Variants in ENAH observed in about 807,000 individuals in gnomAD.
ENAH encodes the protein protein enabled homolog.
A neutral mutation model predicts 78.7 loss-of-function variants in ENAH; 23 were observed. The ratio of observed to expected loss-of-function variants is 0.29; its 90% confidence interval spans 0.21 to 0.41. The LOEUF (loss-of-function observed/expected upper bound fraction) is 0.41. Ranked by LOEUF, ENAH falls within the 10% of genes least tolerant of loss-of-function variation. ENAH has a pLI of 1.00. For missense variants in ENAH, 544 were observed against 691.0 expected (o/e 0.79, Z 2.39); for synonymous variants, 226 against 241.0 (o/e 0.94, Z 0.58).
chr1:225,632,271 G>A (rs926478798), intron 1 of ENAH, among the ~76,000 whole-genome samples: 2 of 152,110 alleles, frequency 1.3e-5, no homozygotes, highest in African/African-American at 4.8e-5. Context: ...GGCCAAAGCG[G>A]GCAGATCACC....
intron 1 of ENAH, among the ~76,000 whole-genome samples, chr1:225,624,194 T>G (rs1294055832): frequency 2.0e-5 from 3 of 152,018 alleles, no homozygotes. Context: ...TTCCAGCACT[T>G]TGGGAGGCCA....
chr1:225,535,848 G>C (rs974612563), intron 3 of ENAH, among the ~76,000 whole-genome samples: 9 of 152,060 alleles, frequency 5.9e-5, no homozygotes, highest in African/African-American at 2.2e-4. Context: ...TACGGTCAAA[G>C]AGTGCAACCA....
intron 10 of ENAH, 60 bp from the exon 11 acceptor site, chr1:225,508,077 A>C: frequency 9.1e-7 from 1 of 1,099,282 alleles, no homozygotes; most frequent in Non-Finnish European, 1.3e-6. Context: ...TTATTATAAA[A>C]CAAATAACAA....
intron 1 of ENAH, among the ~76,000 whole-genome samples, chr1:225,616,995 A>G (rs1201170603): frequency 6.6e-6 from 1 of 152,022 alleles, no homozygotes; most frequent in African/African-American, 2.4e-5. Flanking sequence ...GCTACTCGGG[A>G]GGTTGAGGCA....
At chr1:225,524,478 T>C in intron 4 of ENAH, 2 of 364,142 alleles carry the variant, frequency 5.5e-6, no homozygotes, top group Non-Finnish European at 7.6e-6. Flanking sequence ...CAGATACAGT[T>C]TGATTGTATA....
At chr1:225,583,176 C>T (rs2096827841) in intron 1 of ENAH, among the ~76,000 whole-genome samples, 1 of 152,146 alleles carries the variant, frequency 6.6e-6, no homozygotes. Context: ...GTGGCTCACA[C>T]CTGTAATCTC....
At chr1:225,533,351 CA>C (rs1039364643) in intron 3 of ENAH, among the ~76,000 whole-genome samples, 6 of 152,172 alleles carry the variant, frequency 3.9e-5, no homozygotes, top group African/African-American at 1.4e-4. Flanking sequence ...TTACTTTACA[CA>C]GGTCACATTC....
chr1:225,500,240 C>T (rs2151035216), intron 12 of ENAH, among the ~76,000 whole-genome samples: 1 of 152,328 alleles, frequency 6.6e-6, no homozygotes, highest in East Asian at 1.9e-4. Context: ...TACTTCACCT[C>T]TTCTGTGAAT....
At chr1:225,625,292 C>A (rs927054133) in intron 1 of ENAH, among the ~76,000 whole-genome samples, 18 of 152,148 alleles carry the variant, frequency 1.2e-4, no homozygotes, top group Non-Finnish European at 4.4e-5. Context: ...CTTCTTGGCA[C>A]ACCTAAAGCA....
chr1:225,553,657 AG>A (rs2096652421), intron 3 of ENAH, among the ~76,000 whole-genome samples: 1 of 152,178 alleles, frequency 6.6e-6, no homozygotes, highest in Non-Finnish European at 1.5e-5. Flanking sequence ...TACCTATGAT[AG>A]CATGCCAATA....
At chr1:225,546,292 T>C (rs2096613562) in intron 3 of ENAH, among the ~76,000 whole-genome samples, 1 of 152,178 alleles carries the variant, frequency 6.6e-6, no homozygotes, top group African/African-American at 2.4e-5. Flanking sequence ...TCAAATTTTC[T>C]TTTTAGTGAC....
At chr1:225,580,460 C>T (rs1170685865) in intron 1 of ENAH, among the ~76,000 whole-genome samples, 1 of 152,022 alleles carries the variant, frequency 6.6e-6, no homozygotes, top group African/African-American at 2.4e-5. Flanking sequence ...TATGAAAGAC[C>T]CTGAGCTAGA....
At chr1:225,629,494 G>A (rs1181497791) in intron 1 of ENAH, among the ~76,000 whole-genome samples, 1 of 151,434 alleles carries the variant, frequency 6.6e-6, no homozygotes, top group Non-Finnish European at 1.5e-5. Context: ...GGCTGAGGTA[G>A]GAGAATTGCT....
chr1:225,514,781 T>A lies in ENAH; in HGVS notation c.1033A>T (p.Thr345Ser). 1 of 885,202 alleles carries A rather than the reference T, an allele frequency of 1.1e-6. No homozygotes were observed. Among genetic ancestry groups the A allele is most frequent in the Non-Finnish European group, 1.4e-6 (1 of 733,420 alleles). The allele number at this position is 885,202 out of a possible 1,614,324, so 54.8% of individuals were successfully genotyped here. Residue 345 changes from threonine (T) to serine (S), a missense_variant, in exon 7 of 14, where the codon ACC (threonine) becomes TCC (serine). Transcript: ENST00000366843. ...GPPPPPPLPSTGPPPPPPPPP... is the reference protein window; with the variant it reads ...GPPPPPPLPSSGPPPPPPPPP... ...GGAGGAGGGGGCGGTGGAGGCCCGG[T>A]GGATGGGAGTGGAGGAGGTGGAGGG...
intron 1 of ENAH, among the ~76,000 whole-genome samples, chr1:225,586,496 C>T (rs138624942): frequency 1.4e-4 from 21 of 151,908 alleles, no homozygotes; most frequent in African/African-American, 5.1e-4. Context: ...ATTCATGAGA[C>T]CAGCGTGATC....
intron 5 of ENAH, chr1:225,518,124 G>T: frequency 1.4e-6 from 1 of 690,458 alleles, no homozygotes; most frequent in Non-Finnish European, 2.3e-6. Context: ...CAGAGAATTA[G>T]GCACAAACGC....
Position 225,495,496 on chromosome 1 carries a change from C to T in ENAH, c.*2279G>A, listed in dbSNP as rs1023702599. The stretch of plus-strand genomic sequence containing the variant: ...TTTTTTTGTCAGTTTACACATACAT[C>T]ATGTTAATATTAGACCAAGGCACAA... On this transcript the variant is annotated 3_prime_UTR_variant, in exon 14 of 14. Transcript: ENST00000366843. 1.7e-5 allele frequency: 2 copies of T among 115,874 alleles called. No homozygotes were observed. Among genetic ancestry groups the T allele is most frequent in the Admixed American group, 1.2e-4 (1 of 8,276 alleles). 7.2% of individuals were successfully genotyped at this position (115,874 alleles called of 1,614,324 possible). A position where few individuals can be genotyped will look rare whatever the true frequency, so the allele number is the denominator to read the frequency against.
chr1:225,581,201 T>G (rs906154936), intron 1 of ENAH: 3 of 827,224 alleles, frequency 3.6e-6, no homozygotes, highest in Non-Finnish European at 4.4e-6. Context: ...TCTTAATAAA[T>G]TCTCCCATTA....
chr1:225,571,245 C>T (rs1329951947), intron 1 of ENAH, among the ~76,000 whole-genome samples: 1 of 151,950 alleles, frequency 6.6e-6, no homozygotes, highest in East Asian at 1.9e-4. Context: ...TGGTGACGTG[C>T]ACCTGTGGTC....
Sources: gnomAD v4.1 joint callset for allele counts (sites outside exome capture counted in the v4.1 genomes callset) on GRCh38, gnomAD v4.1.1 for gene constraint, MANE v1.5 for transcripts, NCBI Gene and HGNC (gene_info 2026-07-23, HGNC 2026-07-21) for gene names.